ELMOD1: variants seen among roughly 807,000 people sequenced by gnomAD.
ELMOD1 encodes the protein ELMO domain containing 1.
In ELMOD1, 21 loss-of-function variants were observed where a neutral mutation model predicts 46.7. The ratio of observed to expected loss-of-function variants is 0.45; its 90% CI spans 0.32 to 0.65. The LOEUF (loss-of-function observed/expected upper bound fraction) is 0.65, where lower values mean the gene tolerates loss of function less well. Ranked by LOEUF, ELMOD1 falls within the 30% of genes least tolerant of loss-of-function variation. ELMOD1 has a pLI of 0.04. For synonymous variants in ELMOD1, 122 were observed against 138.2 expected, an observed-to-expected ratio of 0.88 and a Z score of 0.82; for missense variants, 348 against 407.8, an observed-to-expected ratio of 0.85 and a Z score of 1.26.
chr11:107,613,243 A>C (rs1371854948), intron 1 of ELMOD1, among the ~76,000 whole-genome samples: 2 of 152,204 alleles, frequency 1.3e-5, no homozygotes, highest in African/African-American at 2.4e-5. Context: ...CTACTCACTG[A>C]ATGTATATTA....
At chr11:107,621,439 T>C (rs1865946336) in intron 2 of ELMOD1, among the ~76,000 whole-genome samples, 1 of 152,226 alleles carries the variant, frequency 6.6e-6, no homozygotes. Flanking sequence ...GATTTTTAAG[T>C]CATTCATACT....
At chr11:107,600,957 G>A (rs1362329916) in intron 1 of ELMOD1, 4 of 151,614 alleles carry the variant, frequency 2.6e-5, no homozygotes, top group African/African-American at 7.3e-5. Context: ...GCCTCCATGT[G>A]GGCTAAAATC....
intron 1 of ELMOD1, chr11:107,593,334 A>G (rs1037747441): frequency 6.6e-6 from 1 of 152,256 alleles, no homozygotes; most frequent in Non-Finnish European, 1.5e-5. Context: ...TAATAACTCT[A>G]TAAATGTTAG....
intron 6 of ELMOD1, among the ~76,000 whole-genome samples, chr11:107,644,657 G>T (rs989925281): frequency 2.6e-5 from 4 of 151,164 alleles, no homozygotes; most frequent in Admixed American, 2.0e-4. Context: ...TGTATTTTTA[G>T]TAGAGACGGG....
At chr11:107,641,480 G>A (rs986530949) in intron 6 of ELMOD1, among the ~76,000 whole-genome samples, 1 of 152,070 alleles carries the variant, frequency 6.6e-6, no homozygotes, top group Non-Finnish European at 1.5e-5. Context: ...TAATCTGTAA[G>A]CAATTAATAC....
At chr11:107,649,102 T>A (rs1328624712) in intron 7 of ELMOD1, among the ~76,000 whole-genome samples, 1 of 152,210 alleles carries the variant, frequency 6.6e-6, no homozygotes, top group African/African-American at 2.4e-5. Flanking sequence ...AATGTAATAT[T>A]AATGAATGGA....
chr11:107,619,086 CA>C (rs1487919253), intron 2 of ELMOD1, among the ~76,000 whole-genome samples: 1 of 152,130 alleles, frequency 6.6e-6, no homozygotes, highest in Non-Finnish European at 1.5e-5. Context: ...TTGATTCCTA[CA>C]ATGGCCATAA....
chr11:107,650,231 A>G, intron 7 of ELMOD1, 104 bp from the exon 8 acceptor site: 3 of 763,734 alleles, frequency 3.9e-6, no homozygotes, highest in Non-Finnish European at 6.7e-6. Context: ...ACCTTATGCC[A>G]GTATCCATCT....
intron 7 of ELMOD1, among the ~76,000 whole-genome samples, chr11:107,647,947 C>T (rs1047879161): frequency 2.6e-5 from 4 of 152,288 alleles, no homozygotes; most frequent in African/African-American, 9.6e-5. Context: ...ATATTCACAA[C>T]ATTATTTTTT....
chr11:107,623,484 C>G (rs958950235), intron 2 of ELMOD1: 8 of 152,226 alleles, frequency 5.3e-5, no homozygotes, highest in African/African-American at 1.9e-4. Flanking sequence ...GCCACGGGCA[C>G]TCAATAAATG....
intron 1 of ELMOD1, among the ~76,000 whole-genome samples, chr11:107,599,469 C>T (rs1363912726): frequency 1.3e-5 from 2 of 151,824 alleles, no homozygotes; most frequent in African/African-American, 2.4e-5. Flanking sequence ...CTGCCAGGTG[C>T]GGTGGCTCAC....
intron 1 of ELMOD1, among the ~76,000 whole-genome samples, chr11:107,613,787 A>G (rs72990727): frequency 0.025 from 3,838 of 152,316 alleles, 69 homozygotes; most frequent in Non-Finnish European, 0.034. Context: ...TTCTTTTTCA[A>G]TCATATCCTA....
chr11:107,621,876 A>T (rs1295146043), intron 2 of ELMOD1, among the ~76,000 whole-genome samples: 1 of 152,144 alleles, frequency 6.6e-6, no homozygotes, highest in Non-Finnish European at 1.5e-5. Flanking sequence ...AAATTACAAA[A>T]AATGGTTGGT....
At chr11:107,654,730 C>T (rs574881738) in intron 10 of ELMOD1, among the ~76,000 whole-genome samples, 1 of 144,152 alleles carries the variant, frequency 6.9e-6, no homozygotes, top group African/African-American at 2.6e-5. Flanking sequence ...GATGGCGCCA[C>T]TGCACTCCAG....
intron 5 of ELMOD1, 30 bp downstream of exon 5, chr11:107,631,707 C>T: frequency 7.8e-7 from 1 of 1,279,350 alleles, no homozygotes; most frequent in Non-Finnish European, 1.1e-6. Flanking sequence ...GTCAAAAATA[C>T]AGAACACAAA....
At chr11:107,658,104 AT>A (rs1866666127) in intron 11 of ELMOD1, among the ~76,000 whole-genome samples, 1 of 152,178 alleles carries the variant, frequency 6.6e-6, no homozygotes, top group Non-Finnish European at 1.5e-5. Flanking sequence ...AGAGAAAAAA[AT>A]TTTTTAATCA....
intron 1 of ELMOD1, among the ~76,000 whole-genome samples, chr11:107,610,379 A>C (rs1865754571): frequency 6.6e-6 from 1 of 152,146 alleles, no homozygotes; most frequent in South Asian, 2.1e-4. Flanking sequence ...ATAAAACGTC[A>C]ATATCTGGGC....
At chr11:107,637,976 T>C (rs532675470) in intron 6 of ELMOD1, among the ~76,000 whole-genome samples, 1 of 152,298 alleles carries the variant, frequency 6.6e-6, no homozygotes, top group Non-Finnish European at 1.5e-5. Context: ...CCACGCATCT[T>C]AGCATGGCAT....
At chr11:107,611,565 C>T (rs529645170) in intron 1 of ELMOD1, among the ~76,000 whole-genome samples, 18 of 151,792 alleles carry the variant, frequency 1.2e-4, no homozygotes, top group Admixed American at 3.3e-4. Context: ...ATTAGCCGGT[C>T]GTGGTGGCAG....
Sources: allele counts gnomAD v4.1 joint callset (sites outside exome capture counted in the v4.1 genomes callset), GRCh38; gene constraint gnomAD v4.1.1; transcripts MANE v1.5; gene names NCBI Gene and HGNC (gene_info 2026-07-23, HGNC 2026-07-21).